The following TLN2 variants were observed in gnomAD, a reference collection of about 807,000 sequenced individuals.
The protein encoded by TLN2 is talin 2.
A neutral mutation model predicts 294.7 loss-of-function variants in TLN2; 118 were observed. That is an observed-to-expected ratio of 0.40 (90% CI 0.34 to 0.47). The LOEUF is 0.47. Among genes scored for constraint, TLN2 ranks in the 20% least tolerant of loss-of-function variants. The pLI is 0.84. For synonymous variants in TLN2, 1,431 were observed against 1,304.5 expected (o/e 1.10, Z -2.09); for missense variants, 3,083 against 3,282.2 (o/e 0.94, Z 1.48).
At chr15:62,416,326 A>G (rs1278424874) in intron 1 of TLN2, among the ~76,000 whole-genome samples, 3 of 152,240 alleles carry the variant, frequency 2.0e-5, no homozygotes, top group Non-Finnish European at 2.9e-5. Flanking sequence ...TAATTAATTA[A>G]AAACAAAATC....
chr15:62,546,843 TCTC>T (rs1187115715), intron 1 of TLN2, among the ~76,000 whole-genome samples: 1 of 152,112 alleles, frequency 6.6e-6, no homozygotes, highest in Non-Finnish European at 1.5e-5. Flanking sequence ...GGAGAACAAA[TCTC>T]CTGGTAGTAA....
At chr15:62,674,714 C>T (rs1323725988) in intron 10 of TLN2, among the ~76,000 whole-genome samples, 1 of 152,084 alleles carries the variant, frequency 6.6e-6, no homozygotes, top group African/African-American at 2.4e-5. Flanking sequence ...GTTGGCCAGG[C>T]TGGTCTCAAA....
chr15:62,770,542 C>T (rs2063291504), intron 41 of TLN2, among the ~76,000 whole-genome samples: 1 of 152,210 alleles, frequency 6.6e-6, no homozygotes, highest in Non-Finnish European at 1.5e-5. Flanking sequence ...TGGCTTCCTA[C>T]AAAGCTTTTG....
intron 44 of TLN2, among the ~76,000 whole-genome samples, chr15:62,782,541 C>T (rs374953180): frequency 3.9e-4 from 60 of 152,342 alleles, no homozygotes; most frequent in East Asian, 1.3e-3. Context: ...AGGAGCTGAG[C>T]CTCAGGCTGC....
At chr15:62,732,686 G>A (rs895927114) in intron 28 of TLN2, among the ~76,000 whole-genome samples, 1 of 152,156 alleles carries the variant, frequency 6.6e-6, no homozygotes, top group Non-Finnish European at 1.5e-5. Flanking sequence ...GGTAAGAGAT[G>A]GTAGTGTCCT....
intron 1 of TLN2, among the ~76,000 whole-genome samples, chr15:62,461,462 G>T (rs1226469985): frequency 6.6e-6 from 1 of 152,204 alleles, no homozygotes; most frequent in African/African-American, 2.4e-5. Flanking sequence ...CTCTGGCTGT[G>T]ATGTATAGAG....
Position 62,761,784 on chromosome 15 carries a change from C to T in TLN2, c.4742C>T (p.Pro1581Leu). 1 of 1,614,170 alleles carries T rather than the reference C, an allele frequency of 6.2e-7. No individual in the cohort carries two copies. Among genetic ancestry groups the T allele is most frequent in the South Asian group, 1.1e-5 (1 of 91,076 alleles). Residue 1581 changes from proline to leucine, a missense_variant, in exon 38 of 59, where the codon CCT (proline) becomes CTT (leucine). Coordinates refer to ENST00000636159, the MANE Select transcript of TLN2 (RefSeq NM_015059.3). ...AACCTGACAGCGTTCGCCTCAAACC[C>T]TGAGTTTGTCAGCATTCCTGCCCAG... ...VENLTAFASNPEFVSIPAQIS... is the reference protein window; with the variant it reads ...VENLTAFASNLEFVSIPAQIS...
intron 1 of TLN2, among the ~76,000 whole-genome samples, chr15:62,424,395 C>T (rs773422762): frequency 3.3e-5 from 5 of 152,158 alleles, no homozygotes; most frequent in Non-Finnish European, 7.3e-5. Context: ...TAGGCTTGCT[C>T]CTGTCTTCCT....
intron 28 of TLN2, among the ~76,000 whole-genome samples, chr15:62,733,609 C>T (rs909712264): frequency 6.6e-6 from 1 of 152,192 alleles, no homozygotes; most frequent in East Asian, 1.9e-4. Flanking sequence ...TCTGAGGTTG[C>T]TATGTGGCCC....
Position 62,800,688 on chromosome 15 carries a change from T to G in TLN2, c.6396T>G (p.Thr2132=). Residue 2132 remains threonine, a synonymous_variant, in exon 50 of 59, where the codon ACT becomes ACG. Transcript: ENST00000636159. ...MVTNVTSLLK[T]VKAVEDEATR... is the part of the protein sequence containing the mutation. The stretch of plus-strand genomic sequence containing the variant: ...CCAATGTCACCTCGCTCCTCAAGAC[T>G]GTAAAGGCAGTGGAGGATGAGGCCA... The G allele has an allele frequency of 6.2e-7, 1 of 1,614,160 alleles. No individual in the cohort carries two copies. The highest frequency in any genetic ancestry group is 8.5e-7 in the Non-Finnish European group (1 of 1,180,018).
At chr15:62,713,282 A>AAC (rs1555484929) in intron 22 of TLN2, among the ~76,000 whole-genome samples, 2 of 150,946 alleles carry the variant, frequency 1.3e-5, no homozygotes, top group Admixed American at 6.6e-5. Context: ...AAAAAAAAAA[A>AAC]AAAAAAACAA....
intron 48 of TLN2, among the ~76,000 whole-genome samples, chr15:62,798,717 GGTTCACTTGAGGCCACCAGCTC>G: frequency 6.6e-6 from 1 of 152,218 alleles, no homozygotes; most frequent in Non-Finnish European, 1.5e-5. Flanking sequence ...TGACTGTGCT[GGTTCACTTGAGGCCACCAGCTC>G]GTTCCCTCAC....
rs749158320 is a variant in TLN2, at chr15:62,697,878, C to T, written c.1473+10C>T. ...CCACATGCCGCCACTGGTGAGGCTTCCTGTGCTCGTCCCCCACTCGTTAGT... is the reference window on the plus strand; with the variant it reads ...CCACATGCCGCCACTGGTGAGGCTTTCTGTGCTCGTCCCCCACTCGTTAGT... On this transcript the variant is annotated intron_variant, in intron 15 of 58. Coordinates refer to ENST00000636159, the MANE Select transcript of TLN2 (RefSeq NM_015059.3). 2.4e-5 allele frequency: 39 copies of T among 1,609,922 alleles called. No individual in the cohort carries two copies. The highest frequency in any genetic ancestry group is 1.9e-4 in the Middle Eastern group (1 of 5,372).
intron 45 of TLN2, among the ~76,000 whole-genome samples, chr15:62,786,758 G>A (rs1446403094): frequency 3.3e-5 from 5 of 152,134 alleles, no homozygotes; most frequent in African/African-American, 4.8e-5. Context: ...CAAGACACAC[G>A]TGCTGGAGGT....
chr15:62,707,354 T>G, intron 20 of TLN2, 101 bp downstream of exon 20: 1 of 1,365,222 alleles, frequency 7.3e-7, no homozygotes, highest in Non-Finnish European at 9.7e-7. Flanking sequence ...GTTTAAATAG[T>G]CCGAGATTTA....
intron 1 of TLN2, among the ~76,000 whole-genome samples, chr15:62,444,003 G>T (rs967840800): frequency 6.6e-6 from 1 of 152,152 alleles, no homozygotes; most frequent in Non-Finnish European, 1.5e-5. Context: ...AAATAAAGGG[G>T]AGAATCTGTT....
intron 16 of TLN2, among the ~76,000 whole-genome samples, chr15:62,699,945 A>G (rs755847240): frequency 6.6e-6 from 1 of 152,182 alleles, no homozygotes; most frequent in Non-Finnish European, 1.5e-5. Context: ...GACTGGTGCC[A>G]TCACAGGGGC....
Position 62,417,728 on chromosome 15 carries a change from C to T in TLN2, c.-238+27043C>T, listed in dbSNP as rs1437326188. ...CTGGTGGTAGAGATTACGTACTCTA[C>T]TTGACTCTCAGCCACAACAGTGCCT... On this transcript the variant is annotated intron_variant, in intron 1 of 58. Coordinates refer to ENST00000636159, the MANE Select transcript of TLN2 (RefSeq NM_015059.3). 3.3e-5 allele frequency among the ~76,000 whole-genome samples: 5 copies of T among 152,198 alleles called. No individual in the cohort carries two copies. In the East Asian group the frequency reaches 7.7e-4, roughly 23 times the overall value.
chr15:62,391,895 C>T (rs1050728581), intron 1 of TLN2, among the ~76,000 whole-genome samples: 3 of 152,258 alleles, frequency 2.0e-5, no homozygotes, highest in African/African-American at 7.2e-5. Flanking sequence ...GAGCCGTGCG[C>T]TGGGCGGCGT....
Sources: gnomAD v4.1 joint callset for allele counts (sites outside exome capture counted in the v4.1 genomes callset) on GRCh38, gnomAD v4.1.1 for gene constraint, MANE v1.5 for transcripts, NCBI Gene and HGNC (gene_info 2026-07-23, HGNC 2026-07-21) for gene names.